Variants in ARHGAP15 observed in about 807,000 individuals in gnomAD.
The protein encoded by ARHGAP15 is Rho GTPase activating protein 15, also known as rho GTPase-activating protein 15.
ARHGAP15 carries 51 observed loss-of-function variants against 63.7 expected under a neutral mutation model. The observed-to-expected ratio is 0.80, with a 90% CI of 0.64 to 1.01. The LOEUF (loss-of-function observed/expected upper bound fraction) is 1.01, where lower values mean the gene tolerates loss of function less well. Among genes scored for constraint, ARHGAP15 ranks in the 50% least tolerant of loss-of-function variants. The probability of loss-of-function intolerance (pLI) is 0.00; values close to 1 mark genes in which losing one functional copy is unlikely to be tolerated. For synonymous variants in ARHGAP15, 191 were observed against 193.8 expected, an observed-to-expected ratio of 0.99 and a Z score of 0.12; for missense variants, 560 against 564.6, an observed-to-expected ratio of 0.99 and a Z score of 0.08.
chr2:143,447,892 G>A (rs1212599662), intron 8 of ARHGAP15, among the ~76,000 whole-genome samples: 1 of 152,150 alleles, frequency 6.6e-6, no homozygotes, highest in Admixed American at 6.6e-5. Context: ...CTGTTGATGG[G>A]TGTTTTGGTT....
chr2:143,556,357 C>T (rs757154166), intron 10 of ARHGAP15, 51 bp from the exon 11 acceptor site: 2 of 1,359,036 alleles, frequency 1.5e-6, no homozygotes, highest in Non-Finnish European at 2.0e-6. Flanking sequence ...TTTTTTTAAA[C>T]CATCTCAATT....
rs550808990 is a variant in ARHGAP15, at chr2:143,280,958, T to C, written c.474+30358T>C. ...TTTGCTAGAAGAAAAAACATTTAGA[T>C]ACAGATTTTTTAGAAAGTAGTACAG... On this transcript the variant is annotated intron_variant, in intron 6 of 13. Transcript: ENST00000295095. Among the ~76,000 whole-genome samples the C allele has an allele frequency of 9.9e-5, 15 of 152,208 alleles. 1 individual carries two copies. In the South Asian group the frequency reaches 1.9e-3, roughly 19 times the overall value.
chr2:143,583,219 G>A (rs1055460695), intron 11 of ARHGAP15, among the ~76,000 whole-genome samples: 4 of 152,122 alleles, frequency 2.6e-5, no homozygotes, highest in Non-Finnish European at 2.9e-5. Flanking sequence ...TTAAGTGGCC[G>A]GTAATATGAG....
Position 143,322,137 on chromosome 2 carries a change from A to G in ARHGAP15, c.474+71537A>G, listed in dbSNP as rs7565999. Among the ~76,000 whole-genome samples the G allele has an allele frequency of 2.8e-3, 422 of 152,178 alleles. 5 individuals are homozygous for G. Among genetic ancestry groups the G allele is most frequent in the African/African-American group, 9.7e-3 (402 of 41,522 alleles). ...TTCTACTGTTTTTGGAACAGTTCCA[A>G]TGAGGCCGCTCAACCACTCCCTGCC... On this transcript the variant is annotated intron_variant, in intron 6 of 13. Coordinates refer to ENST00000295095, the MANE Select transcript of ARHGAP15 (RefSeq NM_018460.4).
chr2:143,610,494 TG>T (rs568321492), intron 11 of ARHGAP15, among the ~76,000 whole-genome samples: 54 of 152,354 alleles, frequency 3.5e-4, no homozygotes, highest in African/African-American at 1.3e-3. Flanking sequence ...CTTTCCATTT[TG>T]ATTGCAAACA....
chr2:143,456,029 G>A (rs1690633655), intron 8 of ARHGAP15, among the ~76,000 whole-genome samples: 1 of 152,032 alleles, frequency 6.6e-6, no homozygotes, highest in Admixed American at 6.6e-5. Flanking sequence ...GAGGAGGGCA[G>A]CTCACCTGAG....
chr2:143,313,039 C>T lies in ARHGAP15; in HGVS notation c.474+62439C>T, dbSNP rs555842730. 2.0e-5 allele frequency among the ~76,000 whole-genome samples: 3 copies of T among 152,124 alleles called. No homozygotes were observed. In the South Asian group the frequency reaches 6.2e-4, roughly 32 times the overall value. On this transcript the variant is annotated intron_variant, in intron 6 of 13. Coordinates refer to ENST00000295095, the MANE Select transcript of ARHGAP15 (RefSeq NM_018460.4). ...CCAGTAGCAGTAATTTACTGTAATA[C>T]TGTATTTTAAATGGCAGGAAAAGAG...
chr2:143,441,873 A>T (rs558809847), intron 8 of ARHGAP15, among the ~76,000 whole-genome samples: 1 of 152,300 alleles, frequency 6.6e-6, no homozygotes. Flanking sequence ...GCATATGTGG[A>T]TTTCCCAAAT....
chr2:143,481,947 G>A (rs1398087393), intron 8 of ARHGAP15, among the ~76,000 whole-genome samples: 1 of 152,180 alleles, frequency 6.6e-6, no homozygotes, highest in Non-Finnish European at 1.5e-5. Flanking sequence ...TTTGGCCTGT[G>A]TGTTGAGATT....
At chr2:143,574,586 G>A (rs1052740274) in intron 11 of ARHGAP15, among the ~76,000 whole-genome samples, 1 of 152,060 alleles carries the variant, frequency 6.6e-6, no homozygotes, top group South Asian at 2.1e-4. Flanking sequence ...ACAGTTGTTC[G>A]AATCCTCTCT....
At chr2:143,611,831 A>G (rs905022995) in intron 11 of ARHGAP15, among the ~76,000 whole-genome samples, 2 of 152,200 alleles carry the variant, frequency 1.3e-5, no homozygotes, top group African/African-American at 2.4e-5. Context: ...TTGCATAACT[A>G]GCTACAAACA....
At chr2:143,148,220 C>G (rs536891888) in intron 1 of ARHGAP15, among the ~76,000 whole-genome samples, 1 of 152,088 alleles carries the variant, frequency 6.6e-6, no homozygotes, top group Non-Finnish European at 1.5e-5. Flanking sequence ...ATACAGCATC[C>G]AGGCCTCACA....
At chr2:143,157,484 A>C (rs764137842) in intron 2 of ARHGAP15, among the ~76,000 whole-genome samples, 6 of 151,770 alleles carry the variant, frequency 4.0e-5, no homozygotes, top group Non-Finnish European at 8.8e-5. Flanking sequence ...TCCAAAGTTA[A>C]ATTAGCTATA....
intron 12 of ARHGAP15, among the ~76,000 whole-genome samples, chr2:143,701,492 A>C (rs1684088312): frequency 6.6e-6 from 1 of 152,156 alleles, no homozygotes; most frequent in African/African-American, 2.4e-5. Context: ...CCAGCACTTA[A>C]GGAGGCCAAG....
chr2:143,232,073 C>G (rs1343991031), intron 5 of ARHGAP15, among the ~76,000 whole-genome samples: 1 of 152,084 alleles, frequency 6.6e-6, no homozygotes, highest in East Asian at 1.9e-4. Flanking sequence ...TCAAAAGCAG[C>G]CTTACTGTGC....
intron 12 of ARHGAP15, among the ~76,000 whole-genome samples, chr2:143,666,109 A>T (rs1457789918): frequency 2.0e-5 from 3 of 151,768 alleles, no homozygotes; most frequent in Admixed American, 6.6e-5. Context: ...CCACATCCCC[A>T]AGGCAATCCT....
At chr2:143,248,140 C>T (rs1694116582) in intron 5 of ARHGAP15, among the ~76,000 whole-genome samples, 1 of 152,066 alleles carries the variant, frequency 6.6e-6, no homozygotes, top group Non-Finnish European at 1.5e-5. Context: ...AGGAGGGCTG[C>T]AGTGAAATTA....
chr2:143,212,071 T>C (rs1692583304), intron 3 of ARHGAP15, among the ~76,000 whole-genome samples: 1 of 152,210 alleles, frequency 6.6e-6, no homozygotes, highest in Non-Finnish European at 1.5e-5. Flanking sequence ...CAGAACCCTT[T>C]GGTGGAATGG....
At chr2:143,386,524 G>T (rs1404758591) in intron 6 of ARHGAP15, among the ~76,000 whole-genome samples, 1 of 152,076 alleles carries the variant, frequency 6.6e-6, no homozygotes, top group Non-Finnish European at 1.5e-5. Context: ...AGGCTCTTCA[G>T]GTAAAGCAAA....
Sources: allele counts gnomAD v4.1 joint callset (sites outside exome capture counted in the v4.1 genomes callset), GRCh38; gene constraint gnomAD v4.1.1; transcripts MANE v1.5; gene names NCBI Gene and HGNC (gene_info 2026-07-23, HGNC 2026-07-21).